Variants in CTNNA2 observed in about 807,000 individuals in gnomAD.
CTNNA2 encodes catenin alpha 2, also known as catenin alpha-2.
CTNNA2 carries 42 observed loss-of-function variants against 101.0 expected under a neutral mutation model. The ratio of observed to expected loss-of-function variants is 0.42; its 90% CI spans 0.32 to 0.54. CTNNA2 has a LOEUF of 0.54. CTNNA2 is among the 20% of genes least tolerant of loss of function. The probability of loss-of-function intolerance (pLI) is 0.14; values close to 1 mark genes in which losing one functional copy is unlikely to be tolerated. For missense variants in CTNNA2, 871 were observed against 1,223.1 expected, an observed-to-expected ratio of 0.71 and a Z score of 4.29; for synonymous variants, 450 against 456.4, an observed-to-expected ratio of 0.99 and a Z score of 0.18.
At chr2:80,024,231 A>C (rs1488943157) in intron 7 of CTNNA2, among the ~76,000 whole-genome samples, 1 of 152,188 alleles carries the variant, frequency 6.6e-6, no homozygotes, top group Admixed American at 6.6e-5. Context: ...GAATAGAACA[A>C]TATGTAAGAG....
intron 7 of CTNNA2, among the ~76,000 whole-genome samples, chr2:79,939,614 A>G (rs1328103801): frequency 6.6e-6 from 1 of 151,686 alleles, no homozygotes; most frequent in Non-Finnish European, 1.5e-5. Flanking sequence ...CTATTTTTTT[A>G]TTCTACAATT....
rs1446457488 is a variant in CTNNA2, at chr2:80,440,412, T to C, written c.1290+20811T>C. On this transcript the variant is annotated intron_variant, in intron 9 of 18. Transcript: ENST00000402739. ...TTTAGGACAAATGAGTTCCACAGTT[T>C]TAAGAAAATCTTAGAATTAAATAAG... Among the ~76,000 whole-genome samples the C allele has an allele frequency of 2.0e-5, 3 of 152,194 alleles. No homozygotes were observed. In the East Asian group the frequency reaches 5.8e-4, roughly 29 times the overall value.
intron 7 of CTNNA2, among the ~76,000 whole-genome samples, chr2:80,197,538 A>C (rs974447734): frequency 1.3e-5 from 2 of 152,182 alleles, no homozygotes; most frequent in Admixed American, 1.3e-4. Context: ...AAGTCATAAA[A>C]CTAGTCATGA....
At chr2:80,414,017 G>T (rs148187549) in intron 8 of CTNNA2, among the ~76,000 whole-genome samples, 1 of 152,136 alleles carries the variant, frequency 6.6e-6, no homozygotes, top group Non-Finnish European at 1.5e-5. Context: ...CCTCAACTTG[G>T]GTGTTAACTT....
intron 7 of CTNNA2, among the ~76,000 whole-genome samples, chr2:80,052,708 G>T (rs1696955020): frequency 6.6e-6 from 1 of 152,196 alleles, no homozygotes; most frequent in Non-Finnish European, 1.5e-5. Flanking sequence ...ATCATCCGTA[G>T]AAGTCTTTGT....
At chr2:79,402,309 T>G (rs1228605514) in intron 4 of CTNNA2, among the ~76,000 whole-genome samples, 2 of 151,724 alleles carry the variant, frequency 1.3e-5, no homozygotes, top group African/African-American at 4.8e-5. Context: ...ACTATTAATA[T>G]AAACCTCATA....
intron 4 of CTNNA2, among the ~76,000 whole-genome samples, chr2:79,381,476 A>G (rs1240617677): frequency 6.6e-6 from 1 of 152,254 alleles, no homozygotes; most frequent in Admixed American, 6.5e-5. Flanking sequence ...ATCAAAAACT[A>G]TCAAGTCAAC....
At chr2:79,551,566 G>A (rs1482903260) in intron 1 of CTNNA2, among the ~76,000 whole-genome samples, 1 of 152,172 alleles carries the variant, frequency 6.6e-6, no homozygotes, top group Non-Finnish European at 1.5e-5. Flanking sequence ...CATTGTCAGA[G>A]TGAAATTCAA....
At chr2:79,360,594 A>G (rs953944725) in intron 3 of CTNNA2, among the ~76,000 whole-genome samples, 1 of 152,256 alleles carries the variant, frequency 6.6e-6, no homozygotes, top group African/African-American at 2.4e-5. Flanking sequence ...TACTGAAAAT[A>G]GAAATAACTA....
At position 80,311,291 on chromosome 2, in the gene CTNNA2, CT is replaced by C. The variant is rs556494366; in HGVS notation, c.1057-81919del. 3.7e-3 allele frequency among the ~76,000 whole-genome samples: 564 copies of C among 152,284 alleles called. 2 individuals carry two copies. Among genetic ancestry groups the C allele is most frequent in the Non-Finnish European group, 6.3e-3 (427 of 68,022 alleles). On this transcript the variant is annotated intron_variant, in intron 7 of 18. Coordinates refer to ENST00000402739, the MANE Select transcript of CTNNA2 (RefSeq NM_001282597.3). ...TAATACATAATGCCAAATTGTCATC[CT>C]GAAAGATTTCACACTTTTCATCCTC...
intron 2 of CTNNA2, among the ~76,000 whole-genome samples, chr2:79,207,842 C>A (rs1479302558): frequency 6.6e-6 from 1 of 152,146 alleles, no homozygotes; most frequent in Non-Finnish European, 1.5e-5. Context: ...CATGGTGTCT[C>A]CAGCAGGACA....
At chr2:79,411,631 C>T (rs369004636) in intron 4 of CTNNA2, among the ~76,000 whole-genome samples, 8 of 152,074 alleles carry the variant, frequency 5.3e-5, no homozygotes, top group East Asian at 1.9e-4. Context: ...CAGAATTTCA[C>T]ATCCAGCCAA....
At chr2:79,477,500 C>T (rs1408039098) in intron 4 of CTNNA2, among the ~76,000 whole-genome samples, 1 of 152,098 alleles carries the variant, frequency 6.6e-6, no homozygotes, top group Non-Finnish European at 1.5e-5. Context: ...CCCTTCTTTA[C>T]CTCCCTGATT....
rs114709216 is a variant in CTNNA2, at chr2:79,569,349, C to T, written c.-6+56142C>T. Among the ~76,000 whole-genome samples, 714 of 152,046 alleles carry T rather than the reference C, an allele frequency of 4.7e-3. 4 individuals carry two copies. The highest frequency in any genetic ancestry group is 0.016 in the African/African-American group (654 of 41,462). On this transcript the variant is annotated intron_variant, in intron 1 of 18. Coordinates refer to ENST00000402739, the MANE Select transcript of CTNNA2 (RefSeq NM_001282597.3). ...GGGGGTCTTGAGGTATGAATGCATACGGCTATAAGGGAAATGGTTCAGTAG... is the reference window on the plus strand; with the variant it reads ...GGGGGTCTTGAGGTATGAATGCATATGGCTATAAGGGAAATGGTTCAGTAG...
chr2:80,444,329 T>C (rs1364568220), intron 9 of CTNNA2, among the ~76,000 whole-genome samples: 1 of 152,210 alleles, frequency 6.6e-6, no homozygotes, highest in Non-Finnish European at 1.5e-5. Flanking sequence ...CTGCTAGGCA[T>C]AAATATTAGA....
intron 7 of CTNNA2, among the ~76,000 whole-genome samples, chr2:80,188,924 G>A (rs1331064819): frequency 7.0e-6 from 1 of 143,820 alleles, no homozygotes; most frequent in Non-Finnish European, 1.5e-5. Context: ...CCAACCTACT[G>A]TGTCCTGTGC....
chr2:80,124,755 T>C (rs1161099321), intron 7 of CTNNA2, among the ~76,000 whole-genome samples: 1 of 152,150 alleles, frequency 6.6e-6, no homozygotes, highest in Admixed American at 6.6e-5. Flanking sequence ...TGAGCGAGGT[T>C]ACCCCTCCCC....
intron 11 of CTNNA2, among the ~76,000 whole-genome samples, chr2:80,548,370 T>C (rs893535470): frequency 6.6e-6 from 1 of 152,136 alleles, no homozygotes; most frequent in African/African-American, 2.4e-5. Context: ...AACCTATTCT[T>C]TAAATGCATG....
chr2:79,545,370 A>G (rs570814255), intron 1 of CTNNA2, among the ~76,000 whole-genome samples: 46 of 152,094 alleles, frequency 3.0e-4, no homozygotes, highest in Non-Finnish European at 6.3e-4. Flanking sequence ...TGGAAGCTGT[A>G]CATTGAGGAT....
Sources: allele counts gnomAD v4.1 joint callset (sites outside exome capture counted in the v4.1 genomes callset), GRCh38; gene constraint gnomAD v4.1.1; transcripts MANE v1.5; gene names NCBI Gene and HGNC (gene_info 2026-07-23, HGNC 2026-07-21).